C17orf67: variants seen among roughly 807,000 people sequenced by gnomAD.
C17orf67 encodes the protein uncharacterized protein C17orf67.
C17orf67 carries 12 observed loss-of-function variants against 11.2 expected under a neutral mutation model. The ratio of observed to expected loss-of-function variants is 1.07; its 90% confidence interval spans 0.68 to 1.73. C17orf67 has a LOEUF of 1.73. Ranked by LOEUF, C17orf67 falls within the 40% of genes most tolerant of loss-of-function variation. C17orf67 has a pLI of 0.00. For missense variants in C17orf67, 115 were observed against 113.5 expected, an observed-to-expected ratio of 1.01 and a Z score of -0.06; for synonymous variants, 59 against 46.9, an observed-to-expected ratio of 1.26 and a Z score of -1.05.
intron 6 of C17orf67, among the ~76,000 whole-genome samples, chr17:56,799,241 T>C (rs957491965): frequency 1.3e-5 from 2 of 152,232 alleles, no homozygotes; most frequent in African/African-American, 2.4e-5. Context: ...TGCCTGCTCA[T>C]CTGCCTAACC....
At chr17:56,793,034 G>C (rs1905146758) in intron 7 of C17orf67, among the ~76,000 whole-genome samples, 1 of 151,434 alleles carries the variant, frequency 6.6e-6, no homozygotes, top group South Asian at 2.1e-4. Flanking sequence ...ACAAGAAGGA[G>C]GAGGAGGAGA....
intron 5 of C17orf67, 72 bp from the exon 6 acceptor site, chr17:56,815,041 G>T: frequency 7.7e-7 from 1 of 1,304,278 alleles, no homozygotes; most frequent in Non-Finnish European, 1.1e-6. Flanking sequence ...ACAGTCCAAG[G>T]CAAAAGATTT....
intron 6 of C17orf67, among the ~76,000 whole-genome samples, chr17:56,808,351 G>A (rs571588570): frequency 1.2e-4 from 19 of 152,268 alleles, no homozygotes; most frequent in South Asian, 1.2e-3. Flanking sequence ...AAATGTATCC[G>A]TTATTCCTGC....
intron 2 of C17orf67, among the ~76,000 whole-genome samples, chr17:56,830,237 C>T (rs1227219209): frequency 6.6e-6 from 1 of 151,334 alleles, no homozygotes. Context: ...CCCAGCTACT[C>T]GGGAGGCTGA....
At chr17:56,829,149 G>A (rs966181561) in intron 2 of C17orf67, among the ~76,000 whole-genome samples, 3 of 152,174 alleles carry the variant, frequency 2.0e-5, no homozygotes, top group Non-Finnish European at 4.4e-5. Flanking sequence ...GGTGGCGGGC[G>A]CCTGTAATCC....
intron 2 of C17orf67, among the ~76,000 whole-genome samples, chr17:56,831,922 T>C (rs1906214792): frequency 6.6e-6 from 1 of 152,078 alleles, no homozygotes; most frequent in Admixed American, 6.5e-5. Flanking sequence ...TCCCCCTATA[T>C]CAAAACGCTT....
intron 6 of C17orf67, among the ~76,000 whole-genome samples, chr17:56,810,427 C>T (rs576909136): frequency 2.0e-5 from 3 of 150,982 alleles, no homozygotes; most frequent in Admixed American, 2.0e-4. Flanking sequence ...CCCTCACACA[C>T]ACCCTCATAC....
Position 56,814,922 on chromosome 17 carries a change from A to C in C17orf67, c.103T>G (p.Ser35Ala). 6.2e-7 allele frequency: 1 copy of C among 1,614,100 alleles called. No individual in the cohort carries two copies. The highest frequency in any genetic ancestry group is 8.5e-7 in the Non-Finnish European group (1 of 1,180,000). ...TTGCTTGGTCTATCCTGTCGCCGAG[A>C]TCTTAGGAGCTGTTTGGCCTGCTTC... ...TEKQAKQLLR[S>A]RRQDRPSKPG... Residue 35 changes from serine (S) to alanine (A), a missense_variant, in exon 6 of 8, where the codon TCT becomes GCT. Coordinates refer to ENST00000397861, the MANE Select transcript of C17orf67 (RefSeq NM_001085430.4).
At chr17:56,799,056 C>T (rs1407527240) in intron 6 of C17orf67, among the ~76,000 whole-genome samples, 2 of 152,178 alleles carry the variant, frequency 1.3e-5, no homozygotes, top group African/African-American at 4.8e-5. Context: ...TACCGCTATT[C>T]ATGAGGGATC....
rs1244845256 is a variant in C17orf67, at chr17:56,815,099, G to C, written c.56-130C>G. The C allele has an allele frequency of 5.2e-6, 4 of 765,206 alleles. No homozygotes were observed. The East Asian group carries it at 1.0e-4, about 19-fold the overall frequency. 47.4% of individuals were successfully genotyped at this position (765,206 alleles called of 1,614,324 possible). Reference sequence around the variant, plus strand: ...CATGAAAGTTCTTTCCCGGGGACCTGTCCCAAAGGATGCAGCATTCCAGAG... The same window carrying C: ...CATGAAAGTTCTTTCCCGGGGACCTCTCCCAAAGGATGCAGCATTCCAGAG... On this transcript the variant is annotated intron_variant, in intron 5 of 7. Transcript: ENST00000397861.
chr17:56,793,511 CT>C (rs1905156387), intron 7 of C17orf67, among the ~76,000 whole-genome samples: 1 of 152,228 alleles, frequency 6.6e-6, no homozygotes, highest in South Asian at 2.1e-4. Context: ...CCAGAAACCT[CT>C]CCTTTAACTT....
intron 7 of C17orf67, among the ~76,000 whole-genome samples, chr17:56,794,574 G>A (rs1905173384): frequency 6.6e-6 from 1 of 152,148 alleles, no homozygotes; most frequent in South Asian, 2.1e-4. Context: ...GGTGGGCTGG[G>A]CAGATTGGCA....
chr17:56,795,159 C>A lies in C17orf67; in HGVS notation c.178G>T (p.Ala60Ser). Residue 60 changes from alanine (A) to serine (S), a missense_variant, in exon 7 of 8, where the codon GCC (alanine) becomes TCC (serine). Transcript: ENST00000397861. The part of the protein sequence containing the change: ...PMREYMHHLL[A>S]LEHRAEEQFL... Reference sequence around the variant, plus strand: ...TGCTCCTCAGCGCGATGCTCCAGGGCGAGCAGGTGGTGCATGTATTCCTGT... The same window carrying A: ...TGCTCCTCAGCGCGATGCTCCAGGGAGAGCAGGTGGTGCATGTATTCCTGT... 6.2e-7 allele frequency: 1 copy of A among 1,614,118 alleles called. No individual in the cohort carries two copies. Among genetic ancestry groups the A allele is most frequent in the South Asian group, 1.1e-5 (1 of 91,084 alleles).
At position 56,814,946 on chromosome 17, in the gene C17orf67, T is replaced by A. The variant is rs780294862; in HGVS notation, c.79A>T (p.Lys27Ter). ...GATCTTAGGAGCTGTTTGGCCTGCT[T>A]CTCTGTCAAAATCGGGGAGGTCTCT... is the stretch of plus-strand genomic sequence containing the variant. ...FSETSPILTE[K>*]QAKQLLRSRR... The change falls in exon 6 of 8, where the codon AAG becomes TAG. Residue 27 changes from lysine (K) to a stop codon, truncating the protein, a stop_gained. Coordinates refer to ENST00000397861, the MANE Select transcript of C17orf67 (RefSeq NM_001085430.4). LOFTEE classifies it high-confidence loss of function. The A allele has an allele frequency of 6.2e-7, 1 of 1,614,100 alleles. No homozygotes were observed. Among genetic ancestry groups the A allele is most frequent in the South Asian group, 1.1e-5 (1 of 91,080 alleles).
intron 6 of C17orf67, among the ~76,000 whole-genome samples, chr17:56,795,461 T>C (rs1052586224): frequency 1.4e-4 from 21 of 152,216 alleles, no homozygotes; most frequent in African/African-American, 4.8e-4. Context: ...GCCTGCAATC[T>C]AGAAATTTCA....
intron 6 of C17orf67, among the ~76,000 whole-genome samples, chr17:56,807,466 T>C (rs1905481190): frequency 6.6e-6 from 1 of 152,180 alleles, no homozygotes; most frequent in South Asian, 2.1e-4. Flanking sequence ...TTGGGAAGTA[T>C]GGAGAGGAGC....
At chr17:56,803,740 G>A (rs890178683) in intron 6 of C17orf67, 3 of 152,118 alleles carry the variant, frequency 2.0e-5, no homozygotes, top group African/African-American at 7.2e-5. Context: ...GCACCAAAAA[G>A]TAATATATAT....
chr17:56,817,682 C>G (rs978750788), intron 4 of C17orf67, among the ~76,000 whole-genome samples: 1 of 149,568 alleles, frequency 6.7e-6, no homozygotes, highest in South Asian at 2.1e-4. Flanking sequence ...CTCAAACTCG[C>G]AGGCTCAAGT....
At chr17:56,817,023 T>A (rs540445469) in intron 4 of C17orf67, among the ~76,000 whole-genome samples, 1 of 152,286 alleles carries the variant, frequency 6.6e-6, no homozygotes, top group Admixed American at 6.5e-5. Context: ...TTAACTTTTT[T>A]ATTTTTTTAT....
Sources: allele counts gnomAD v4.1 joint callset (sites outside exome capture counted in the v4.1 genomes callset), GRCh38; gene constraint gnomAD v4.1.1; transcripts MANE v1.5; gene names NCBI Gene and HGNC (gene_info 2026-07-23, HGNC 2026-07-21).